The following CSN1S1 variants were observed in gnomAD, a reference collection of about 807,000 sequenced individuals.
CSN1S1 encodes casein alpha s1, also known as alpha-S1-casein.
CSN1S1 carries 63 observed loss-of-function variants against 49.1 expected under a neutral mutation model. The observed-to-expected ratio is 1.28, with a 90% CI of 1.05 to 1.58. The LOEUF (loss-of-function observed/expected upper bound fraction) is 1.58. Ranked by LOEUF, CSN1S1 falls within the 40% of genes most tolerant of loss-of-function variation. The pLI is 0.00. For synonymous variants in CSN1S1, 78 were observed against 67.1 expected (o/e 1.16, Z -0.79); for missense variants, 260 against 224.7 (o/e 1.16, Z -1.01).
At chr4:69,938,143 G>A (rs549382128) in intron 9 of CSN1S1, among the ~76,000 whole-genome samples, 2 of 151,804 alleles carry the variant, frequency 1.3e-5, no homozygotes, top group Middle Eastern at 3.4e-3. Flanking sequence ...AAAGGTGCAT[G>A]GATGTTTAAA....
chr4:69,943,365 A>G (rs77078235), intron 14 of CSN1S1, among the ~76,000 whole-genome samples: 1 of 151,840 alleles, frequency 6.6e-6, no homozygotes, highest in African/African-American at 2.4e-5. Context: ...TTGTATTTTT[A>G]GTAGAGACAG....
At chr4:69,933,807 T>C (rs1342281400) in intron 2 of CSN1S1, among the ~76,000 whole-genome samples, 5 of 152,044 alleles carry the variant, frequency 3.3e-5, no homozygotes, top group African/African-American at 7.2e-5. Flanking sequence ...ATTAGGAAAT[T>C]ATATTTTGCC....
At chr4:69,935,486 G>A (rs144433019) in intron 4 of CSN1S1, among the ~76,000 whole-genome samples, 1 of 151,984 alleles carries the variant, frequency 6.6e-6, no homozygotes, top group Non-Finnish European at 1.5e-5. Context: ...GGCGGTTAAA[G>A]CTGCAATGAG....
At chr4:69,939,336 T>G in intron 10 of CSN1S1, 128 bp downstream of exon 10, 1 of 496,482 alleles carries the variant, frequency 2.0e-6, no homozygotes. Flanking sequence ...ACTATTCTAG[T>G]TTTAGTATGT....
chr4:69,944,687 T>C (rs1723094305), intron 14 of CSN1S1, among the ~76,000 whole-genome samples, 163 bp from the exon 15 acceptor site: 1 of 152,052 alleles, frequency 6.6e-6, no homozygotes, highest in Admixed American at 6.6e-5. Flanking sequence ...TTCAACATGG[T>C]TCACCATAGA....
intron 10 of CSN1S1, among the ~76,000 whole-genome samples, chr4:69,939,452 T>G (rs1722905970): frequency 6.6e-6 from 1 of 151,790 alleles, no homozygotes; most frequent in African/African-American, 2.4e-5. Flanking sequence ...ATGTCCAAAT[T>G]ATTTTTTTAA....
chr4:69,938,401 T>G (rs1412426089), intron 9 of CSN1S1, among the ~76,000 whole-genome samples: 1 of 151,370 alleles, frequency 6.6e-6, no homozygotes, highest in South Asian at 2.1e-4. Context: ...GGCAAAAACC[T>G]CAATTACTTT....
In CSN1S1 at chr4:69,939,227, A is replaced by T. The variant is rs767798536; in HGVS notation, c.276+19A>T. On this transcript the variant is annotated intron_variant, in intron 10 of 15. Transcript: ENST00000246891. ...GAGTGAGGTAAATAATTTTGATATT[A>T]ATTCTGTGTCCCAACTAATTTAAAA... is the stretch of plus-strand genomic sequence containing the variant. 22 of 1,568,360 alleles carry T rather than the reference A, an allele frequency of 1.4e-5. No individual in the cohort carries two copies. In the East Asian group the frequency reaches 4.7e-4, roughly 34 times the overall value.
chr4:69,940,111 TCACACACACACACACACACACACACACA>T (rs35000195), intron 11 of CSN1S1, 67 bp downstream of exon 11: 2 of 405,278 alleles, frequency 4.9e-6, no homozygotes, highest in African/African-American at 2.2e-5. Context: ...GCACTTACTT[TCACACACACACACACACACACACACACA>T]CACACACACA....
At chr4:69,932,394 T>C (rs1040759091) in intron 1 of CSN1S1, 150 bp from the exon 2 acceptor site, 6 of 590,342 alleles carry the variant, frequency 1.0e-5, no homozygotes, top group Admixed American at 5.8e-5. Flanking sequence ...GTTTTTAAAA[T>C]CTTAAGTTTA....
intron 9 of CSN1S1, among the ~76,000 whole-genome samples, chr4:69,938,461 GC>G (rs869108111): frequency 1.9e-5 from 2 of 104,930 alleles, no homozygotes; most frequent in Non-Finnish European, 4.6e-5. Flanking sequence ...CTCTCCTTGG[GC>G]AGAAAGAATC....
At chr4:69,932,446 T>C in intron 1 of CSN1S1, 98 bp from the exon 2 acceptor site, 2 of 1,000,132 alleles carry the variant, frequency 2.0e-6, no homozygotes, top group Non-Finnish European at 1.5e-6. Flanking sequence ...CCTACTTTTA[T>C]CATAATTTGC....
Position 69,944,862 on chromosome 4 carries a change from C to G in CSN1S1, c.415C>G (p.Leu139Val), listed in dbSNP as rs1723102795. 1 of 1,612,664 alleles carries G rather than the reference C, an allele frequency of 6.2e-7. No individual in the cohort carries two copies. Among genetic ancestry groups the G allele is most frequent in the Non-Finnish European group, 8.5e-7 (1 of 1,179,078 alleles). Residue 139 changes from leucine (L) to valine (V), a missense_variant, in exon 15 of 16, where the codon CTC (leucine) becomes GTC (valine). Leu to Val is a conservative substitution (Grantham distance 32). Coordinates refer to ENST00000246891, the MANE Select transcript of CSN1S1 (RefSeq NM_001890.2). ...NSHVQVPFQQ[L>V]NQLAAYPYAV... is the part of the protein sequence containing the mutation. Reference sequence around the variant, plus strand: ...TTTTTCCCTCTAGCCTTTCCAGCAGCTCAACCAACTTGCTGCCTACCCCTA... The same window carrying G: ...TTTTTCCCTCTAGCCTTTCCAGCAGGTCAACCAACTTGCTGCCTACCCCTA...
Position 69,936,608 on chromosome 4 carries a change from G to A in CSN1S1, c.195+1G>A. On this transcript the variant is annotated splice_donor_variant, in intron 7 of 15. Coordinates refer to ENST00000246891, the MANE Select transcript of CSN1S1 (RefSeq NM_001890.2). LOFTEE classifies it high-confidence loss of function. ...AGAAAAACAGACTGATGAAATCAAG[G>A]TACCAAAGTTTTTCTTGAAAGAGTA... 2 of 1,602,726 alleles carry A rather than the reference G, an allele frequency of 1.2e-6. No homozygotes were observed. Among genetic ancestry groups the A allele is most frequent in the Non-Finnish European group, 1.7e-6 (2 of 1,174,110 alleles).
chr4:69,932,758 C>T (rs1722648528), intron 2 of CSN1S1, among the ~76,000 whole-genome samples, 152 bp downstream of exon 2: 1 of 151,910 alleles, frequency 6.6e-6, no homozygotes, highest in Non-Finnish European at 1.5e-5. Context: ...TGCAGTAATG[C>T]TTCACATTTT....
chr4:69,944,214 T>C (rs1723076000), intron 14 of CSN1S1, among the ~76,000 whole-genome samples: 1 of 152,048 alleles, frequency 6.6e-6, no homozygotes, highest in Non-Finnish European at 1.5e-5. Context: ...GAGAATTATA[T>C]GCAACTGTTT....
Position 69,942,528 on chromosome 4 carries a change from T to G in CSN1S1, c.361-8T>G, listed in dbSNP as rs755954970. 2 of 1,581,054 alleles carry G rather than the reference T, an allele frequency of 1.3e-6. No homozygotes were observed. Among genetic ancestry groups the G allele is most frequent in the Non-Finnish European group, 1.7e-6 (2 of 1,161,450 alleles). Reference sequence around the variant, plus strand: ...TAAGTAATTTAGAATGTGTTTCCTTTTATGCAGGAGCAAATTCGCAGAATG... The same window carrying G: ...TAAGTAATTTAGAATGTGTTTCCTTGTATGCAGGAGCAAATTCGCAGAATG... On this transcript the variant is annotated splice_region_variant and splice_polypyrimidine_tract_variant and intron_variant, in intron 13 of 15. Coordinates refer to ENST00000246891, the MANE Select transcript of CSN1S1 (RefSeq NM_001890.2).
chr4:69,936,052 A>T (rs1722769429), intron 5 of CSN1S1, 103 bp downstream of exon 5: 1 of 913,498 alleles, frequency 1.1e-6, no homozygotes, highest in Non-Finnish European at 1.7e-6. Flanking sequence ...AAAGTCAAGG[A>T]TAACAAATTT....
intron 11 of CSN1S1, among the ~76,000 whole-genome samples, chr4:69,940,497 C>T (rs948056367): frequency 2.0e-5 from 3 of 151,646 alleles, no homozygotes; most frequent in East Asian, 1.9e-4. Context: ...ACCTTTTACA[C>T]GTATGTGATG....
Sources: gnomAD v4.1 joint callset for allele counts (sites outside exome capture counted in the v4.1 genomes callset) on GRCh38, gnomAD v4.1.1 for gene constraint, MANE v1.5 for transcripts, NCBI Gene and HGNC (gene_info 2026-07-23, HGNC 2026-07-21) for gene names.